The following ARHGEF1 variants were observed in gnomAD, a reference collection of about 807,000 sequenced individuals.
ARHGEF1 encodes 115 kDa guanine nucleotide exchange factor.
ARHGEF1 carries 40 observed loss-of-function variants against 119.7 expected under a neutral mutation model. The observed-to-expected ratio is 0.33, with a 90% CI of 0.26 to 0.44. The LOEUF (loss-of-function observed/expected upper bound fraction) is 0.44, where lower values mean the gene tolerates loss of function less well. ARHGEF1 is among the 20% of genes least tolerant of loss of function. The pLI is 1.00. For missense variants in ARHGEF1, 976 were observed against 1,268.3 expected (o/e 0.77, Z 3.50); for synonymous variants, 494 against 521.0 (o/e 0.95, Z 0.71).
downstream of ARHGEF1, chr19:41,909,802 C>T (rs1347692416): frequency 5.4e-6 from 8 of 1,494,496 alleles, no homozygotes; most frequent in South Asian, 7.9e-5. The surrounding 1 kb of genome is among the most constrained non-coding windows in gnomAD (Gnocchi z 5.2). Flanking sequence ...GCAGAGGGGG[C>T]ACCAGAGGGA....
chr19:41,900,749 G>A (rs1281593274), intron 14 of ARHGEF1: 2 of 150,546 alleles, frequency 1.3e-5, no homozygotes, highest in African/African-American at 2.4e-5. Context: ...CTGCCACAGC[G>A]AAAAGGGAAA....
At chr19:41,901,211 G>A (rs2074599759) in intron 14 of ARHGEF1, among the ~76,000 whole-genome samples, 1 of 151,882 alleles carries the variant, frequency 6.6e-6, no homozygotes, top group African/African-American at 2.4e-5. Flanking sequence ...GTGCAGTGGT[G>A]TGATCTCAGC....
chr19:41,888,327 G>T lies in ARHGEF1; in HGVS notation c.111+49G>T. 6.3e-7 allele frequency: 1 copy of T among 1,577,610 alleles called. No homozygotes were observed. Among genetic ancestry groups the T allele is most frequent in the Non-Finnish European group, 8.7e-7 (1 of 1,152,876 alleles). ...AGCTCTGTCCCAGGCTCAGTGTCCC[G>T]CCCCAGGTCCCCTCCCACCTGCAGA... On this transcript the variant is annotated intron_variant, in intron 3 of 28. Coordinates refer to ENST00000354532, the MANE Select transcript of ARHGEF1 (RefSeq NM_004706.4). The surrounding 1 kb of genome is among the most constrained non-coding windows in gnomAD (Gnocchi z 5.1).
At chr19:41,896,347 C>T in intron 12 of ARHGEF1, 30 bp from the exon 13 acceptor site, 1 of 1,257,950 alleles carries the variant, frequency 7.9e-7, no homozygotes, top group Non-Finnish European at 1.0e-6. Flanking sequence ...CAGAGGCCTT[C>T]CAGCCAGCCC....
Position 41,902,176 on chromosome 19 carries a change from C to A in ARHGEF1, c.1415-98C>A. 6.4e-7 allele frequency: 1 copy of A among 1,563,884 alleles called. No individual in the cohort carries two copies. The highest frequency in any genetic ancestry group is 8.8e-7 in the Non-Finnish European group (1 of 1,142,270). ...GCCATCCGGTCCCGAGGATCAGACA[C>A]AGACACACCTGCAGCCCTACCCCCA... On this transcript the variant is annotated intron_variant, in intron 15 of 28. Coordinates refer to ENST00000354532, the MANE Select transcript of ARHGEF1 (RefSeq NM_004706.4). The surrounding 1 kb of genome is among the most constrained non-coding windows in gnomAD (Gnocchi z 6.5).
In ARHGEF1 at chr19:41,892,187, G is replaced by A. The variant is rs183636932; in HGVS notation, c.324+64G>A. 3.0e-4 allele frequency: 471 copies of A among 1,563,736 alleles called. No individual in the cohort carries two copies. The highest frequency in any genetic ancestry group is 7.0e-4 in the Admixed American group (41 of 58,678). On this transcript the variant is annotated intron_variant, in intron 5 of 28. Coordinates refer to ENST00000354532, the MANE Select transcript of ARHGEF1 (RefSeq NM_004706.4). This position sits in a 1 kb window ranked among gnomAD's most constrained non-coding sequence, Gnocchi z 6.3. ...GTTTGGGCCTGCAGAGTCACCATGC[G>A]GTCCCCAGCCTCTGCCCTGAGGGCA...
Position 41,906,848 on chromosome 19 carries a change from G to GGGACCCTCCTT in ARHGEF1, c.*17+45_*17+46insGGACCCTCCTT. On this transcript the variant is annotated intron_variant, in intron 28 of 28. Transcript: ENST00000354532. This position sits in a 1 kb window ranked among gnomAD's most constrained non-coding sequence, Gnocchi z 4.5. Reference sequence around the variant, plus strand: ...GCCAGGGCGCTGTCCTGAAAGGAGGGTCCCCCTCCAGAGCTCGCATCCCTA... The same window carrying GGGACCCTCCTT: ...GCCAGGGCGCTGTCCTGAAAGGAGGGGGACCCTCCTTTCCCCCTCCAGAGCTCGCATCCCTA... 1.4e-6 allele frequency: 2 copies of GGGACCCTCCTT among 1,480,702 alleles called. No individual in the cohort carries two copies. Among genetic ancestry groups the GGGACCCTCCTT allele is most frequent in the Non-Finnish European group, 1.8e-6 (2 of 1,093,268 alleles). 91.7% of individuals were successfully genotyped at this position (1,480,702 alleles called of 1,614,324 possible). A position where few individuals can be genotyped will look rare whatever the true frequency, so the allele number is the denominator to read the frequency against.
At chr19:41,914,260 C>T (rs926029296) in intron 18 of ARHGEF1, among the ~76,000 whole-genome samples, 3 of 151,392 alleles carry the variant, frequency 2.0e-5, no homozygotes, top group South Asian at 2.1e-4. Flanking sequence ...TGCCCCGTCT[C>T]GGTATCTCTC....
intron 7 of ARHGEF1, 90 bp from the exon 8 acceptor site, chr19:41,893,184 T>C: frequency 1.9e-6 from 3 of 1,557,634 alleles, no homozygotes; most frequent in Non-Finnish European, 2.6e-6. Flanking sequence ...CCCCTGCCTA[T>C]CCCAGGACAG....
chr19:41,906,392 C>T lies in ARHGEF1; in HGVS notation c.2492-65C>T. On this transcript the variant is annotated intron_variant, in intron 26 of 28. Transcript: ENST00000354532. The surrounding 1 kb of genome is among the most constrained non-coding windows in gnomAD (Gnocchi z 4.5). ...GCCCCTACACATCCCCTTTGGAATC[C>T]CCCATCCCAGATCCCAGCCCAGCCC... 6.8e-7 allele frequency: 1 copy of T among 1,474,670 alleles called. No homozygotes were observed. The highest frequency in any genetic ancestry group is 9.1e-7 in the Non-Finnish European group (1 of 1,101,852). 91.3% of individuals were successfully genotyped at this position (1,474,670 alleles called of 1,614,324 possible). A position where few individuals can be genotyped will look rare whatever the true frequency, so the allele number is the denominator to read the frequency against.
rs1352704009 is a variant in ARHGEF1, at chr19:41,892,875, C to T, written c.614+26C>T. ...GTGAGTAGGCCAGCCCTGGTGGGAG[C>T]GTCGCCCCTCCCCAGCACAAGGGCA... is the stretch of plus-strand genomic sequence containing the variant. On this transcript the variant is annotated intron_variant, in intron 7 of 28. Transcript: ENST00000354532. The surrounding 1 kb of genome is among the most constrained non-coding windows in gnomAD (Gnocchi z 6.3). 9.5e-6 allele frequency: 14 copies of T among 1,470,782 alleles called. No homozygotes were observed. The African/African-American group carries it at 1.1e-4, about 12-fold the overall frequency. 91.1% of individuals were successfully genotyped at this position (1,470,782 alleles called of 1,614,324 possible). A position where few individuals can be genotyped will look rare whatever the true frequency, so the allele number is the denominator to read the frequency against.
chr19:41,885,206 T>A (rs1020854699), intron 1 of ARHGEF1, among the ~76,000 whole-genome samples: 6 of 151,938 alleles, frequency 3.9e-5, no homozygotes, highest in African/African-American at 1.5e-4. Context: ...TTTGTGGGAC[T>A]CCCCCAAACC....
intron 1 of ARHGEF1, among the ~76,000 whole-genome samples, chr19:41,925,623 A>T (rs1337730594): frequency 6.6e-6 from 1 of 152,030 alleles, no homozygotes; most frequent in East Asian, 1.9e-4. Context: ...TGGATTGGTG[A>T]TCAGGTGGTG....
downstream of ARHGEF1, chr19:41,908,412 G>GCCAGGCCCGAGGGGCGCTCGGGGC: frequency 8.1e-7 from 1 of 1,231,240 alleles, no homozygotes; most frequent in South Asian, 4.1e-5. The surrounding 1 kb of genome is among the most constrained non-coding windows in gnomAD (Gnocchi z 6.7). Flanking sequence ...AGGGGCCGCT[G>GCCAGGCCCGAGGGGCGCTCGGGGC]CCAGGCCCGA....
rs963694361 is a variant in ARHGEF1, at chr19:41,916,124, C to G, written c.1866-6968C>G. On this transcript the variant is annotated intron_variant, in intron 18 of 20. Transcript: ENST00000599589. The surrounding 1 kb of genome is among the most constrained non-coding windows in gnomAD (Gnocchi z 5.4). ...CGCTGGGCAGGCGAGGGCCCTCCTC[C>G]CTTCTCTCCCTGCCAAGCACAACCA... Among the ~76,000 whole-genome samples, 15 of 152,166 alleles carry G rather than the reference C, an allele frequency of 9.9e-5. No individual in the cohort carries two copies. Among genetic ancestry groups the G allele is most frequent in the Admixed American group, 8.5e-4 (13 of 15,288 alleles).
downstream of ARHGEF1, chr19:41,908,232 C>T (rs1476843870): frequency 3.2e-6 from 4 of 1,231,662 alleles, no homozygotes; most frequent in African/African-American, 3.1e-5. This position sits in a 1 kb window ranked among gnomAD's most constrained non-coding sequence, Gnocchi z 6.7. Context: ...GCCGGCTCAG[C>T]TGCCGGTCCC....
intron 13 of ARHGEF1, 70 bp downstream of exon 13, chr19:41,896,552 C>T (rs572134419): frequency 4.0e-5 from 50 of 1,240,010 alleles, no homozygotes; most frequent in South Asian, 2.1e-4. Flanking sequence ...GCAGGGTCAC[C>T]GCTGCCATCT....
At position 41,892,287 on chromosome 19, in the gene ARHGEF1, G is replaced by A. The variant is rs782592757; in HGVS notation, c.325-44G>A. The A allele has an allele frequency of 6.2e-7, 1 of 1,612,124 alleles. No homozygotes were observed. The highest frequency in any genetic ancestry group is 1.1e-5 in the South Asian group (1 of 91,066). ...GGCAGTCCTCCCGGCCTGCATCTCA[G>A]CACACCAAGTCCTCCTCTTCACCCC... On this transcript the variant is annotated intron_variant, in intron 5 of 28. Coordinates refer to ENST00000354532, the MANE Select transcript of ARHGEF1 (RefSeq NM_004706.4). This position sits in a 1 kb window ranked among gnomAD's most constrained non-coding sequence, Gnocchi z 6.3.
chr19:41,910,519 T>TA (rs1284826958), downstream of ARHGEF1, among the ~76,000 whole-genome samples: 32 of 152,116 alleles, frequency 2.1e-4, no homozygotes, highest in Admixed American at 2.1e-3. The surrounding 1 kb of genome is among the most constrained non-coding windows in gnomAD (Gnocchi z 4.4). Flanking sequence ...CCTCAGCTCT[T>TA]ACTGTCTCTG....
Sources: gnomAD v4.1 joint callset for allele counts (sites outside exome capture counted in the v4.1 genomes callset) on GRCh38, gnomAD v4.1.1 for gene constraint, Gnocchi (gnomAD v3.1) non-coding constraint, MANE v1.5 for transcripts, NCBI Gene and HGNC (gene_info 2026-07-23, HGNC 2026-07-21) for gene names.